Variants in CACNA1A observed in about 807,000 individuals in gnomAD.
CACNA1A encodes the protein calcium voltage-gated channel subunit alpha1 A, also known as voltage-dependent P/Q-type calcium channel subunit alpha-1A.
In CACNA1A, 57 loss-of-function variants were observed where a neutral mutation model predicts 262.4. That is an observed-to-expected ratio of 0.22 (90% confidence interval 0.18 to 0.27). The LOEUF is 0.27. CACNA1A is among the 10% of genes least tolerant of loss of function. The probability of loss-of-function intolerance (pLI) is 1.00; values close to 1 mark genes in which losing one functional copy is unlikely to be tolerated. For synonymous variants in CACNA1A, 1,431 were observed against 1,419.3 expected (o/e 1.01, Z -0.18); for missense variants, 2,526 against 3,562.8 (o/e 0.71, Z 7.41).
rs1057523661 is a variant in CACNA1A, at chr19:13,283,306, G to A, written c.3783C>T (p.Ala1261=). The A allele has an allele frequency of 3.1e-6, 5 of 1,613,844 alleles. No individual in the cohort carries two copies. The highest frequency in any genetic ancestry group is 1.7e-5 in the Admixed American group (1 of 59,996). The change falls in exon 22 of 47, where the codon GCC becomes GCT. Residue 1261 remains alanine, a synonymous_variant. Coordinates refer to ENST00000360228, the MANE Select transcript of CACNA1A (RefSeq NM_001127222.2). ...MVIAMSSIAL[A]AEDPVQPNAP... is the part of the protein sequence containing the mutation. ...CGTTGGGCTGCACAGGGTCCTCGGC[G>A]GCCAGGGCGATGCTGCTCATGGCAA... is the stretch of plus-strand genomic sequence containing the variant.
At chr19:13,400,791 G>A (rs1422335858) in intron 3 of CACNA1A, among the ~76,000 whole-genome samples, 1 of 152,160 alleles carries the variant, frequency 6.6e-6, no homozygotes, top group African/African-American at 2.4e-5. Context: ...AAAGTCATCA[G>A]TGCTGTGGCG....
At chr19:13,480,592 G>A (rs1309025087) in intron 1 of CACNA1A, among the ~76,000 whole-genome samples, 9 of 152,036 alleles carry the variant, frequency 5.9e-5, no homozygotes, top group Non-Finnish European at 1.0e-4. Flanking sequence ...ACTTTGAGAG[G>A]CTGAGGCAGG....
At chr19:13,242,450 C>T (rs1021246650) in intron 31 of CACNA1A, among the ~76,000 whole-genome samples, 17 of 152,074 alleles carry the variant, frequency 1.1e-4, no homozygotes, top group Admixed American at 4.6e-4. Context: ...CACCTGCCAC[C>T]GTGCCCGGCT....
At position 13,261,527 on chromosome 19, in the gene CACNA1A, G is replaced by A. The variant is rs371589326; in HGVS notation, c.4173C>T (p.Ala1391=). 13 of 1,601,414 alleles carry A rather than the reference G, an allele frequency of 8.1e-6. No homozygotes were observed. The highest frequency in any genetic ancestry group is 1.6e-4 in the Middle Eastern group (1 of 6,072). Residue 1391 remains alanine (A), a synonymous_variant, in exon 26 of 47, where the codon GCC becomes GCT. Coordinates refer to ENST00000360228, the MANE Select transcript of CACNA1A (RefSeq NM_001127222.2). Reference sequence around the variant, plus strand: ...CCTTGAAGAGCTGCACAGCCACCACGGCGAAGATGAACATGAATAGCATGT... The same window carrying A: ...CCTTGAAGAGCTGCACAGCCACCACAGCGAAGATGAACATGAATAGCATGT... The part of the protein sequence containing the change: ...IVYMLFMFIF[A]VVAVQLFKGK...
chr19:13,452,028 TCTCA>T (rs1283933891), intron 3 of CACNA1A: 1 of 152,118 alleles, frequency 6.6e-6, no homozygotes, highest in African/African-American at 2.4e-5. Flanking sequence ...GGGGGGGTGG[TCTCA>T]CTGTGTTGCC....
At chr19:13,348,176 G>A (rs2058828453) in intron 6 of CACNA1A, among the ~76,000 whole-genome samples, 1 of 152,158 alleles carries the variant, frequency 6.6e-6, no homozygotes, top group Non-Finnish European at 1.5e-5. Context: ...TCCTGCCTCA[G>A]CTTCTCAAAG....
chr19:13,470,693 C>G (rs1473067381), intron 1 of CACNA1A, among the ~76,000 whole-genome samples: 1 of 152,202 alleles, frequency 6.6e-6, no homozygotes, highest in Admixed American at 6.5e-5. Flanking sequence ...ATCATCCAAG[C>G]CCTGCAACGC....
chr19:13,232,172 TCTTTCTTTTC>T (rs2055687621), intron 34 of CACNA1A, among the ~76,000 whole-genome samples: 1 of 151,882 alleles, frequency 6.6e-6, no homozygotes, highest in Non-Finnish European at 1.5e-5. Flanking sequence ...CTTCTCTCTC[TCTTTCTTTTC>T]CTTTCTTTTC....
intron 23 of CACNA1A, 81 bp from the exon 24 acceptor site, chr19:13,276,037 G>GGA: frequency 1.1e-6 from 1 of 872,212 alleles, no homozygotes; most frequent in Non-Finnish European, 1.8e-6. Context: ...CTAGCCTCTC[G>GGA]GGGAGAGGCA....
intron 1 of CACNA1A, among the ~76,000 whole-genome samples, chr19:13,478,102 T>G (rs1978780519): frequency 6.6e-6 from 1 of 152,118 alleles, no homozygotes; most frequent in South Asian, 2.1e-4. Flanking sequence ...TGTGCAAATG[T>G]GTGTGTTGTG....
intron 9 of CACNA1A, among the ~76,000 whole-genome samples, chr19:13,331,951 A>G (rs1430585133): frequency 6.6e-6 from 1 of 152,222 alleles, no homozygotes; most frequent in Non-Finnish European, 1.5e-5. Flanking sequence ...TGAGCCACAG[A>G]CAGACCGCAT....
At chr19:13,419,300 GT>G (rs1340820451) in intron 3 of CACNA1A, among the ~76,000 whole-genome samples, 1 of 152,248 alleles carries the variant, frequency 6.6e-6, no homozygotes, top group Admixed American at 6.5e-5. Flanking sequence ...GTGTGCAGTA[GT>G]TTATACCATC....
chr19:13,262,347 A>C, intron 25 of CACNA1A: 1 of 166,896 alleles, frequency 6.0e-6, no homozygotes. Context: ...GGTTCATGCT[A>C]TTTTGGAATG....
intron 4 of CACNA1A, among the ~76,000 whole-genome samples, chr19:13,369,543 C>CAG (rs1380309268): frequency 6.6e-6 from 1 of 152,218 alleles, no homozygotes; most frequent in East Asian, 1.9e-4. Flanking sequence ...TCAGCTTCTC[C>CAG]ATCTGTAAAT....
At chr19:13,370,591 ATTT>A (rs35234045) in intron 4 of CACNA1A, among the ~76,000 whole-genome samples, 2 of 139,750 alleles carry the variant, frequency 1.4e-5, no homozygotes, top group Non-Finnish European at 1.6e-5. Context: ...ATGCCTGCTA[ATTT>A]TTTTTTTTTT....
In CACNA1A at chr19:13,235,364, G is replaced by C; in HGVS notation, c.5068-90C>G. The C allele has an allele frequency of 2.3e-6, 3 of 1,303,246 alleles. No homozygotes were observed. The South Asian group carries it at 3.8e-5, about 17-fold the overall frequency. The allele number at this position is 1,303,246 out of a possible 1,614,324, so 80.7% of individuals were successfully genotyped here. A position where few individuals can be genotyped will look rare whatever the true frequency, so the allele number is the denominator to read the frequency against. On this transcript the variant is annotated intron_variant, in intron 32 of 46. Coordinates refer to ENST00000360228, the MANE Select transcript of CACNA1A (RefSeq NM_001127222.2). ...TTGTCCCAGTGCTCTGCCCCACTGG[G>C]TTGGGTGGCCATATGCCACGTGCCA...
rs1270176463 is a variant in CACNA1A at position 13,330,316 on chromosome 19, T to C, written c.1273A>G (p.Ile425Val). ...AGCAAATCTGTCTTGCTTTTCTTTA[T>C]GGTGGTTCTCCGCAGAGCTCCAACA... Reference protein sequence around the residue: ...HPFDALRRTTIKKSKTDLLNP... With the variant: ...HPFDALRRTTVKKSKTDLLNP... Residue 425 changes from isoleucine (I) to valine (V), a missense_variant, in exon 10 of 47, where the codon ATA (isoleucine) becomes GTA (valine). Physicochemically the swap from Ile to Val is conservative, Grantham distance 29. Transcript: ENST00000360228. 3.8e-6 allele frequency: 6 copies of C among 1,563,908 alleles called. No individual in the cohort carries two copies. The highest frequency in any genetic ancestry group is 2.4e-5 in the South Asian group (2 of 84,828).
chr19:13,374,599 T>G (rs1237542878), intron 3 of CACNA1A, among the ~76,000 whole-genome samples: 8 of 152,146 alleles, frequency 5.3e-5, no homozygotes, highest in Admixed American at 5.2e-4. Context: ...TCCTCCCAGC[T>G]TTCTGGTACT....
Position 13,235,620 on chromosome 19 carries a change from G to A in CACNA1A, c.5061C>T (p.Ser1687=), listed in dbSNP as rs761008062. ...AGCAGGGACGAGGACTCACCTTGAA[G>A]GACTGCACAAAGGTCCAGAGAAGAA... is the stretch of plus-strand genomic sequence containing the variant. The part of the protein sequence containing the change: ...IRILLWTFVQ[S]FKALPYVCLL... The change falls in exon 32 of 47, where the codon TCC becomes TCT. Residue 1687 remains serine (S), a synonymous_variant. Transcript: ENST00000360228. 1.9e-6 allele frequency: 3 copies of A among 1,609,370 alleles called. No homozygotes were observed. Among genetic ancestry groups the A allele is most frequent in the Non-Finnish European group, 2.6e-6 (3 of 1,175,664 alleles).
Sources: allele counts gnomAD v4.1 joint callset (sites outside exome capture counted in the v4.1 genomes callset), GRCh38; gene constraint gnomAD v4.1.1; transcripts MANE v1.5; gene names NCBI Gene and HGNC (gene_info 2026-07-23, HGNC 2026-07-21).